Variants in CCDC60 observed in about 807,000 individuals in gnomAD.
The protein encoded by CCDC60 is coiled-coil domain-containing protein 60.
CCDC60 carries 54 observed loss-of-function variants against 63.5 expected under a neutral mutation model. The observed-to-expected ratio is 0.85, with a 90% CI of 0.68 to 1.07. The LOEUF is 1.07. Ranked by LOEUF, CCDC60 falls within the 50% of genes least tolerant of loss-of-function variation. CCDC60 has a pLI of 0.00. For missense variants in CCDC60, 651 were observed against 684.3 expected (o/e 0.95, Z 0.54); for synonymous variants, 206 against 238.8 (o/e 0.86, Z 1.27).
chr12:119,472,890 T>G (rs1275481391), intron 3 of CCDC60, among the ~76,000 whole-genome samples: 2 of 152,196 alleles, frequency 1.3e-5, no homozygotes, highest in Non-Finnish European at 2.9e-5. Flanking sequence ...CTCCTTTTTT[T>G]GTAAAGGACT....
chr12:119,374,040 G>A (rs1035274958), intron 1 of CCDC60, among the ~76,000 whole-genome samples: 3 of 151,916 alleles, frequency 2.0e-5, no homozygotes, highest in African/African-American at 2.4e-5. Flanking sequence ...CAGGGGCTGA[G>A]TAGTAGGAAG....
chr12:119,520,121 C>A lies in CCDC60; in HGVS notation c.969C>A (p.Ser323Arg), dbSNP rs1389187070. ...TTAAAGGACTCATTTTGCCTTGCAG[C>A]ATCTTGTCAGTGCTGAAACAAAACA... ...IENGMQRKAP[S>R]ILSVLKQNKS... The change falls in exon 9 of 14, where the codon AGC (serine) becomes AGA (arginine). Residue 323 changes from serine to arginine, a missense_variant and splice_region_variant. Physicochemically the swap from Ser to Arg is moderately radical, Grantham distance 110 (BLOSUM62 -1). Coordinates refer to ENST00000327554, the MANE Select transcript of CCDC60 (RefSeq NM_178499.5). 2 of 1,613,496 alleles carry A rather than the reference C, an allele frequency of 1.2e-6. No homozygotes were observed. The highest frequency in any genetic ancestry group is 8.5e-7 in the Non-Finnish European group (1 of 1,179,730).
intron 2 of CCDC60, among the ~76,000 whole-genome samples, chr12:119,447,531 C>A (rs912170619): frequency 6.6e-6 from 1 of 152,122 alleles, no homozygotes; most frequent in African/African-American, 2.4e-5. Context: ...CTGGAAAAAG[C>A]CTCTCTCCCT....
intron 3 of CCDC60, 74 bp from the exon 4 acceptor site, chr12:119,479,020 C>G: frequency 1.0e-6 from 1 of 1,003,968 alleles, no homozygotes; most frequent in South Asian, 1.3e-5. Context: ...GCCGAATAGA[C>G]CGTGGCAAGA....
intron 7 of CCDC60, among the ~76,000 whole-genome samples, chr12:119,514,241 G>A (rs1296597716): frequency 6.6e-6 from 1 of 151,478 alleles, no homozygotes; most frequent in Non-Finnish European, 1.5e-5. Flanking sequence ...CAGTGGCGCA[G>A]TCTCGGTTTA....
chr12:119,489,867 G>T (rs559772438), intron 5 of CCDC60, among the ~76,000 whole-genome samples: 1 of 151,260 alleles, frequency 6.6e-6, no homozygotes, highest in Non-Finnish European at 1.5e-5. Flanking sequence ...ACGCAATCTC[G>T]GCTCACTGCA....
chr12:119,513,864 C>A (rs534762965), intron 7 of CCDC60, among the ~76,000 whole-genome samples: 1 of 152,138 alleles, frequency 6.6e-6, no homozygotes, highest in Non-Finnish European at 1.5e-5. Flanking sequence ...TACTTGATAA[C>A]GATCAAATGA....
chr12:119,404,178 T>C (rs112346045), intron 1 of CCDC60, among the ~76,000 whole-genome samples: 1,679 of 152,238 alleles, frequency 0.011, 30 homozygotes, highest in African/African-American at 0.039. Flanking sequence ...TAATCTCAGC[T>C]ACTTGGGAGG....
At chr12:119,442,383 G>C (rs1036451752) in intron 2 of CCDC60, among the ~76,000 whole-genome samples, 3 of 152,164 alleles carry the variant, frequency 2.0e-5, no homozygotes, top group African/African-American at 2.4e-5. Flanking sequence ...AGGCAGAGAG[G>C]GGGTGGATCG....
chr12:119,381,795 C>T (rs1956010157), intron 1 of CCDC60, among the ~76,000 whole-genome samples: 1 of 152,218 alleles, frequency 6.6e-6, no homozygotes, highest in Non-Finnish European at 1.5e-5. Context: ...GCCCCAAAGT[C>T]TCAGTGCTCC....
At chr12:119,531,464 A>G (rs1269862669) in intron 13 of CCDC60, among the ~76,000 whole-genome samples, 1 of 152,184 alleles carries the variant, frequency 6.6e-6, no homozygotes. Context: ...GGTGTCTTGT[A>G]TGCACAATAC....
At chr12:119,377,428 T>C (rs902781696) in intron 1 of CCDC60, among the ~76,000 whole-genome samples, 3 of 152,140 alleles carry the variant, frequency 2.0e-5, no homozygotes, top group African/African-American at 7.2e-5. Context: ...CTTTTTATTC[T>C]CAGTGTTTAC....
At chr12:119,490,072 A>G (rs777590930) in intron 5 of CCDC60, among the ~76,000 whole-genome samples, 3 of 152,210 alleles carry the variant, frequency 2.0e-5, no homozygotes, top group Non-Finnish European at 2.9e-5. Context: ...TTGGGATTAC[A>G]GGCGTGAGCC....
intron 2 of CCDC60, among the ~76,000 whole-genome samples, chr12:119,469,349 C>T (rs899696008): frequency 3.9e-5 from 6 of 152,130 alleles, no homozygotes; most frequent in Non-Finnish European, 5.9e-5. Flanking sequence ...TTGCAAACTC[C>T]GCCTCCCGGG....
intron 11 of CCDC60, among the ~76,000 whole-genome samples, chr12:119,525,125 A>C (rs1175330825): frequency 6.6e-6 from 1 of 152,214 alleles, no homozygotes; most frequent in East Asian, 1.9e-4. Context: ...AGATGATAAA[A>C]GTGAGCTCAG....
intron 12 of CCDC60, among the ~76,000 whole-genome samples, chr12:119,530,249 A>G (rs913998077): frequency 1.3e-5 from 2 of 149,172 alleles, no homozygotes; most frequent in African/African-American, 5.0e-5. Context: ...GGGCACATAT[A>G]TAGCAAGGGG....
chr12:119,504,983 C>T, intron 6 of CCDC60, 86 bp from the exon 7 acceptor site: 2 of 1,017,112 alleles, frequency 2.0e-6, no homozygotes, highest in South Asian at 1.6e-5. Flanking sequence ...CTGTCCCTCC[C>T]CACCTTCCTC....
intron 2 of CCDC60, among the ~76,000 whole-genome samples, chr12:119,437,523 G>A (rs1950349577): frequency 6.6e-6 from 1 of 152,180 alleles, no homozygotes; most frequent in African/African-American, 2.4e-5. Flanking sequence ...TTGAGGCTTG[G>A]AGTATGAGGG....
chr12:119,451,243 A>T (rs1429597081), intron 2 of CCDC60, among the ~76,000 whole-genome samples: 4 of 152,128 alleles, frequency 2.6e-5, no homozygotes, highest in Non-Finnish European at 5.9e-5. Context: ...GGAAGAGCAA[A>T]ATCATTTTGG....
Sources: gnomAD v4.1 joint callset for allele counts (sites outside exome capture counted in the v4.1 genomes callset) on GRCh38, gnomAD v4.1.1 for gene constraint, MANE v1.5 for transcripts, NCBI Gene and HGNC (gene_info 2026-07-23, HGNC 2026-07-21) for gene names.